Variants in PATJ observed in about 807,000 individuals in gnomAD.
PATJ encodes the protein inaD-like protein.
In PATJ, 190 loss-of-function variants were observed where a neutral mutation model predicts 224.9. The ratio of observed to expected loss-of-function variants is 0.84; its 90% CI spans 0.75 to 0.95. The LOEUF (loss-of-function observed/expected upper bound fraction) is 0.95. Ranked by LOEUF, PATJ falls within the 40% of genes least tolerant of loss-of-function variation. The pLI is 0.00. For synonymous variants in PATJ, 769 were observed against 820.3 expected, an observed-to-expected ratio of 0.94 and a Z score of 1.07; for missense variants, 2,121 against 2,270.3, an observed-to-expected ratio of 0.93 and a Z score of 1.34.
chr1:62,023,778 A>G (rs2499818), intron 29 of PATJ, among the ~76,000 whole-genome samples: 139,100 of 152,262 alleles, frequency 0.91, 63,775 homozygotes, highest in East Asian at 1. Flanking sequence ...AGTAAGTATA[A>G]CTGTGTATGT....
At position 61,889,974 on chromosome 1, in the gene PATJ, C is replaced by T. The variant is rs77105921; in HGVS notation, c.3131+5566C>T. On this transcript the variant is annotated intron_variant, in intron 22 of 43. Transcript: ENST00000642238. ...GCCTGGTTTCAGTCTTTTTCTTCCT[C>T]ATCTCGGTTATTTTTGGCTGTTTAA... Among the ~76,000 whole-genome samples the T allele has an allele frequency of 2.3e-4, 35 of 152,264 alleles. 1 individual carries two copies. In the East Asian group the frequency reaches 6.6e-3, roughly 29 times the overall value.
At chr1:62,034,658 T>C (rs947883845) in intron 29 of PATJ, among the ~76,000 whole-genome samples, 4 of 152,180 alleles carry the variant, frequency 2.6e-5, no homozygotes, top group Non-Finnish European at 5.9e-5. Context: ...TGCTGAGGGA[T>C]GTGACCACTA....
At chr1:61,766,930 T>A (rs934311918) in intron 4 of PATJ, among the ~76,000 whole-genome samples, 1 of 152,078 alleles carries the variant, frequency 6.6e-6, no homozygotes, top group African/African-American at 2.4e-5. Context: ...CTGTCTCTAC[T>A]AAAAATAGAA....
At position 61,968,137 on chromosome 1, in the gene PATJ, G is replaced by A. The variant is rs182028655; in HGVS notation, c.3671-22031G>A. 3.9e-5 allele frequency among the ~76,000 whole-genome samples: 6 copies of A among 152,274 alleles called. No homozygotes were observed. The East Asian group carries it at 1.2e-3, about 29-fold the overall frequency. On this transcript the variant is annotated intron_variant, in intron 27 of 43. Transcript: ENST00000642238. ...TCTGTGGGAAGGGTGTGAATGACAG[G>A]TGTTGTCAGCTTATTTTGACAGCCT... is the stretch of plus-strand genomic sequence containing the variant.
At chr1:61,931,198 T>C (rs1301678876) in intron 27 of PATJ, among the ~76,000 whole-genome samples, 3 of 152,154 alleles carry the variant, frequency 2.0e-5, no homozygotes, top group Non-Finnish European at 4.4e-5. Context: ...GAAGTGTTTA[T>C]TGAGTGGATG....
chr1:61,971,920 T>C (rs1050059293), intron 27 of PATJ, among the ~76,000 whole-genome samples: 6 of 151,450 alleles, frequency 4.0e-5, no homozygotes, highest in Admixed American at 2.6e-4. Flanking sequence ...ACACGGGAGG[T>C]TGAGGCTGCA....
chr1:61,893,171 A>G (rs1398921738), intron 22 of PATJ, among the ~76,000 whole-genome samples: 1 of 152,212 alleles, frequency 6.6e-6, no homozygotes, highest in Non-Finnish European at 1.5e-5. Flanking sequence ...TACTCACACT[A>G]TCTAGATAAG....
At chr1:61,774,460 C>T (rs1040657757) in intron 6 of PATJ, among the ~76,000 whole-genome samples, 2 of 152,196 alleles carry the variant, frequency 1.3e-5, no homozygotes, top group South Asian at 2.1e-4. Context: ...AGTCCTATTG[C>T]TAATATCTTT....
intron 32 of PATJ, among the ~76,000 whole-genome samples, chr1:62,082,573 C>T (rs558004189): frequency 8.5e-5 from 13 of 152,180 alleles, no homozygotes; most frequent in Middle Eastern, 3.4e-3. Flanking sequence ...GATTGACAAG[C>T]TTTTTCTATA....
At chr1:61,757,996 A>G (rs561372695) in intron 1 of PATJ, among the ~76,000 whole-genome samples, 64 of 152,050 alleles carry the variant, frequency 4.2e-4, no homozygotes, top group African/African-American at 1.5e-3. Context: ...TTTTTTTCTT[A>G]CAAACGTGAA....
intron 22 of PATJ, among the ~76,000 whole-genome samples, chr1:61,892,993 A>C (rs1669821232): frequency 1.3e-5 from 2 of 152,210 alleles, no homozygotes; most frequent in African/African-American, 4.8e-5. Context: ...TTCCTTGTTA[A>C]AGTTTCAAAT....
chr1:61,758,295 G>A (rs1645764859), intron 1 of PATJ, among the ~76,000 whole-genome samples: 1 of 152,132 alleles, frequency 6.6e-6, no homozygotes, highest in African/African-American at 2.4e-5. Context: ...AGTTACATAT[G>A]ACTGATATGA....
At chr1:61,804,456 A>G (rs1421796085) in intron 12 of PATJ, among the ~76,000 whole-genome samples, 1 of 152,176 alleles carries the variant, frequency 6.6e-6, no homozygotes. Flanking sequence ...TATGCATCCA[A>G]GATGAGCTGT....
At chr1:62,135,315 C>G (rs1324897129) in intron 41 of PATJ, among the ~76,000 whole-genome samples, 2 of 151,868 alleles carry the variant, frequency 1.3e-5, no homozygotes, top group Non-Finnish European at 2.9e-5. Flanking sequence ...GTCAGGAGTT[C>G]AAGACCAGCC....
intron 27 of PATJ, among the ~76,000 whole-genome samples, chr1:61,930,169 G>A (rs1360354633): frequency 6.6e-6 from 1 of 151,908 alleles, no homozygotes; most frequent in Non-Finnish European, 1.5e-5. Flanking sequence ...CCTTCCCCGT[G>A]TACAGTCCCC....
At chr1:61,989,252 G>T (rs1490810024) in intron 27 of PATJ, among the ~76,000 whole-genome samples, 1 of 152,136 alleles carries the variant, frequency 6.6e-6, no homozygotes, top group African/African-American at 2.4e-5. Flanking sequence ...ACTATGAGCC[G>T]CTAAGCCCTT....
intron 20 of PATJ, among the ~76,000 whole-genome samples, chr1:61,873,170 T>A (rs987075958): frequency 2.0e-5 from 3 of 152,050 alleles, no homozygotes; most frequent in Admixed American, 6.6e-5. Flanking sequence ...ATTTCTTATT[T>A]TTATTATTTA....
Position 62,018,992 on chromosome 1 carries a change from C to T in PATJ, c.3959+1045C>T, listed in dbSNP as rs367818569. Among the ~76,000 whole-genome samples the T allele has an allele frequency of 3.3e-5, 5 of 152,150 alleles. No homozygotes were observed. The East Asian group carries it at 7.7e-4, about 23-fold the overall frequency. On this transcript the variant is annotated intron_variant, in intron 29 of 43. Transcript: ENST00000642238. This position sits in a 1 kb window ranked among gnomAD's most constrained non-coding sequence, Gnocchi z 4.2. ...AGGCACGGTGGCTCACGTCTGTAAT[C>T]CCAGCACTTTGGGAGGATCACCTGA...
intron 43 of PATJ, 93 bp from the exon 44 acceptor site, chr1:62,160,815 T>C (rs563524651): frequency 1.0e-4 from 136 of 1,319,280 alleles, no homozygotes; most frequent in Non-Finnish European, 1.4e-4. Flanking sequence ...ACTCTTTTAA[T>C]ATGCACACCA....
Sources: gnomAD v4.1 joint callset for allele counts (sites outside exome capture counted in the v4.1 genomes callset) on GRCh38, gnomAD v4.1.1 for gene constraint, Gnocchi (gnomAD v3.1) non-coding constraint, MANE v1.5 for transcripts, NCBI Gene and HGNC (gene_info 2026-07-23, HGNC 2026-07-21) for gene names.